C1QTNF7: variants seen among roughly 807,000 people sequenced by gnomAD.
C1QTNF7 encodes the protein C1q and TNF related 7.
In C1QTNF7, 15 loss-of-function variants were observed where a neutral mutation model predicts 19.6. The ratio of observed to expected loss-of-function variants is 0.76; its 90% CI spans 0.51 to 1.18. C1QTNF7 has a LOEUF of 1.18. C1QTNF7 is among the 50% of genes most tolerant of loss of function. The pLI is 0.00. For synonymous variants in C1QTNF7, 142 were observed against 137.5 expected, an observed-to-expected ratio of 1.03 and a Z score of -0.23; for missense variants, 324 against 359.7, an observed-to-expected ratio of 0.90 and a Z score of 0.80.
At chr4:15,413,125 A>G (rs938052771) in intron 1 of C1QTNF7, among the ~76,000 whole-genome samples, 2 of 152,268 alleles carry the variant, frequency 1.3e-5, no homozygotes, top group Non-Finnish European at 2.9e-5. Flanking sequence ...CAAAATGAAC[A>G]GCATATTTTA....
intron 1 of C1QTNF7, among the ~76,000 whole-genome samples, chr4:15,350,135 G>A (rs59717510): frequency 0.42 from 41,512 of 99,398 alleles, 9,885 homozygotes; most frequent in African/African-American, 0.58. Context: ...GGAAAGAAGG[G>A]AGGGAGGGAA....
At chr4:15,340,281 GAA>G (rs1716493987) in intron 1 of C1QTNF7, 2 of 1,496,562 alleles carry the variant, frequency 1.3e-6, no homozygotes, top group African/African-American at 1.4e-5. Flanking sequence ...TTTCCTGGGA[GAA>G]CTTAAGAAAG....
intron 1 of C1QTNF7, among the ~76,000 whole-genome samples, chr4:15,391,124 A>T (rs115012423): frequency 6.6e-6 from 1 of 152,012 alleles, no homozygotes; most frequent in Non-Finnish European, 1.5e-5. Context: ...CTCTAAGCAT[A>T]CGGTCTGAAC....
Position 15,442,408 on chromosome 4 carries a change from A to C in C1QTNF7, c.479A>C (p.Glu160Ala). Residue 160 changes from glutamate to alanine, a missense_variant, in exon 3 of 3, where the codon GAA (glutamate) becomes GCA (alanine). Coordinates refer to ENST00000444304, the MANE Select transcript of C1QTNF7 (RefSeq NM_031911.5). The part of the protein sequence containing the change: ...FSVGITTSYP[E>A]ERLPIIFNKV... ...GTTGGCATCACAACCAGCTACCCAG[A>C]AGAAAGACTACCTATTATATTTAAC... 6.2e-7 allele frequency: 1 copy of C among 1,614,198 alleles called. No individual in the cohort carries two copies. The highest frequency in any genetic ancestry group is 1.1e-5 in the South Asian group (1 of 91,080).
intron 1 of C1QTNF7, among the ~76,000 whole-genome samples, chr4:15,370,082 T>C (rs192503884): frequency 6.6e-6 from 1 of 152,338 alleles, no homozygotes; most frequent in Non-Finnish European, 1.5e-5. Flanking sequence ...AATACTATTG[T>C]ACTCATGTCG....
chr4:15,355,422 C>T (rs913492597), intron 1 of C1QTNF7, among the ~76,000 whole-genome samples: 1 of 152,108 alleles, frequency 6.6e-6, no homozygotes, highest in Non-Finnish European at 1.5e-5. Context: ...AAACCTCAAA[C>T]TAAGCAGCGG....
intron 1 of C1QTNF7, among the ~76,000 whole-genome samples, chr4:15,430,216 C>T (rs952149855): frequency 7.2e-5 from 11 of 152,106 alleles, no homozygotes; most frequent in African/African-American, 2.4e-4. Context: ...AAACCTGTTA[C>T]TTTGTAATCC....
At chr4:15,363,827 C>G (rs1427270929) in intron 1 of C1QTNF7, among the ~76,000 whole-genome samples, 1 of 152,200 alleles carries the variant, frequency 6.6e-6, no homozygotes, top group East Asian at 1.9e-4. Flanking sequence ...ATCTTTGCAT[C>G]AGACATATAG....
At chr4:15,440,493 C>T (rs1184277236) in intron 2 of C1QTNF7, among the ~76,000 whole-genome samples, 1 of 151,694 alleles carries the variant, frequency 6.6e-6, no homozygotes, top group African/African-American at 2.4e-5. Flanking sequence ...CTGCAACCTC[C>T]GCCTCCCGGG....
intron 1 of C1QTNF7, among the ~76,000 whole-genome samples, chr4:15,345,498 CA>C (rs1316226021): frequency 1.3e-5 from 2 of 152,184 alleles, no homozygotes; most frequent in Non-Finnish European, 2.9e-5. Context: ...CCCCTCTCCC[CA>C]GCATATACTC....
chr4:15,404,170 C>A (rs912737315), intron 1 of C1QTNF7, among the ~76,000 whole-genome samples: 11 of 151,960 alleles, frequency 7.2e-5, no homozygotes, highest in Admixed American at 2.0e-4. Flanking sequence ...AATAAATATC[C>A]ATATAGATAT....
intron 1 of C1QTNF7, among the ~76,000 whole-genome samples, chr4:15,341,400 T>C (rs1716531425): frequency 6.6e-6 from 1 of 152,152 alleles, no homozygotes; most frequent in Admixed American, 6.6e-5. Flanking sequence ...TTTCTGTCTG[T>C]GTCAAATTCT....
intron 1 of C1QTNF7, among the ~76,000 whole-genome samples, chr4:15,375,020 T>C (rs550440996): frequency 6.6e-6 from 1 of 152,042 alleles, no homozygotes; most frequent in South Asian, 2.1e-4. Context: ...TGAAAAGCCC[T>C]TCCTTGCCAA....
chr4:15,430,325 T>G (rs1199624578), intron 1 of C1QTNF7, among the ~76,000 whole-genome samples: 1 of 152,166 alleles, frequency 6.6e-6, no homozygotes, highest in Non-Finnish European at 1.5e-5. Flanking sequence ...CAGCTCACTC[T>G]TGAAACCCCA....
At position 15,372,701 on chromosome 4, in the gene C1QTNF7, A is replaced by G. The variant is rs1475313423; in HGVS notation, c.13+32494A>G. On this transcript the variant is annotated intron_variant, in intron 1 of 2. Coordinates refer to the C1QTNF7 transcript ENST00000295297. ...ATCTTGATTCATTTGATCTTTGTTC[A>G]TGGCTACTTCAAAAATAAAGACATT... Among the ~76,000 whole-genome samples, 4 of 152,196 alleles carry G rather than the reference A, an allele frequency of 2.6e-5. No individual in the cohort carries two copies. The East Asian group carries it at 7.7e-4, about 29-fold the overall frequency.
At chr4:15,340,062 T>C in exon 1 of C1QTNF7, 1 of 1,064,068 alleles carries the variant, frequency 9.4e-7, no homozygotes, top group Non-Finnish European at 1.4e-6. Context: ...ATCAAGTTAT[T>C]TTTTGCATTG....
At chr4:15,368,465 G>T (rs562122283) in intron 1 of C1QTNF7, among the ~76,000 whole-genome samples, 1 of 151,574 alleles carries the variant, frequency 6.6e-6, no homozygotes, top group Non-Finnish European at 1.5e-5. Context: ...GACAGGCCCC[G>T]GTGTGTGATG....
intron 1 of C1QTNF7, among the ~76,000 whole-genome samples, chr4:15,391,494 T>G (rs75718653): frequency 6.6e-6 from 1 of 152,068 alleles, no homozygotes; most frequent in South Asian, 2.1e-4. Flanking sequence ...GGGAATTGAG[T>G]GTTGGGTAAA....
intron 1 of C1QTNF7, chr4:15,381,693 G>C (rs1054925005): frequency 6.6e-6 from 1 of 152,120 alleles, no homozygotes; most frequent in Non-Finnish European, 1.5e-5. Context: ...GCCGTATAAA[G>C]AGGCTAGCAT....
Sources: gnomAD v4.1 joint callset for allele counts (sites outside exome capture counted in the v4.1 genomes callset) on GRCh38, gnomAD v4.1.1 for gene constraint, MANE v1.5 for transcripts, NCBI Gene and HGNC (gene_info 2026-07-23, HGNC 2026-07-21) for gene names.